BRINP3: variants seen among roughly 807,000 people sequenced by gnomAD.
The protein encoded by BRINP3 is BMP/retinoic acid-inducible neural-specific protein 3.
Under a neutral mutation model 71.0 loss-of-function variants are expected in BRINP3, and 19 were observed. The observed-to-expected ratio is 0.27, with a 90% CI of 0.19 to 0.39. The LOEUF is 0.39. Ranked by LOEUF, BRINP3 falls within the 10% of genes least tolerant of loss-of-function variation. The pLI, the probability that BRINP3 is intolerant of heterozygous loss-of-function variation, is 1.00. For synonymous variants in BRINP3, 380 were observed against 337.7 expected, an observed-to-expected ratio of 1.13 and a Z score of -1.37; for missense variants, 959 against 940.8, an observed-to-expected ratio of 1.02 and a Z score of -0.25.
chr1:190,410,498 T>A (rs1411867520), intron 2 of BRINP3, among the ~76,000 whole-genome samples: 1 of 152,100 alleles, frequency 6.6e-6, no homozygotes, highest in African/African-American at 2.4e-5. Context: ...GTTATAAATT[T>A]GGATGTCATC....
intron 2 of BRINP3, among the ~76,000 whole-genome samples, chr1:190,407,651 G>T (rs1234551614): frequency 6.6e-6 from 1 of 152,038 alleles, no homozygotes; most frequent in Non-Finnish European, 1.5e-5. Flanking sequence ...ATCAGGAAAA[G>T]AAATATATTA....
chr1:190,388,018 A>G (rs1268833827), intron 2 of BRINP3, among the ~76,000 whole-genome samples: 16 of 151,860 alleles, frequency 1.1e-4, no homozygotes, highest in Admixed American at 9.9e-4. Context: ...GTATATGTAC[A>G]TTAATTAATA....
intron 2 of BRINP3, among the ~76,000 whole-genome samples, chr1:190,322,905 C>T (rs1451999225): frequency 2.6e-5 from 4 of 151,908 alleles, no homozygotes; most frequent in Admixed American, 6.6e-5. Flanking sequence ...TTAATTATCT[C>T]GTTTAATTTG....
rs953036938 is a variant in BRINP3 at position 190,382,202 on chromosome 1, T to C, written c.236+72453A>G. On this transcript the variant is annotated intron_variant, in intron 2 of 7. Coordinates refer to ENST00000367462, the MANE Select transcript of BRINP3 (RefSeq NM_199051.3). ...ATCAGAAAAAAAAAATCTAGATGCATGTATCTACTTCCAAAGAGACTTAAG... is the reference window on the plus strand; with the variant it reads ...ATCAGAAAAAAAAAATCTAGATGCACGTATCTACTTCCAAAGAGACTTAAG... Among the ~76,000 whole-genome samples the C allele has an allele frequency of 2.0e-5, 3 of 152,258 alleles. No homozygotes were observed. In the South Asian group the frequency reaches 6.2e-4, roughly 32 times the overall value.
chr1:190,453,197 T>G (rs1675736373), intron 2 of BRINP3, among the ~76,000 whole-genome samples: 1 of 133,744 alleles, frequency 7.5e-6, no homozygotes, highest in Non-Finnish European at 1.6e-5. Flanking sequence ...AAAGAAAAAC[T>G]TTAGTATTTT....
chr1:190,201,602 C>T (rs2104927), intron 6 of BRINP3, among the ~76,000 whole-genome samples: 18,646 of 152,168 alleles, frequency 0.12, 1,686 homozygotes, highest in South Asian at 0.26. Flanking sequence ...GTCCCAGAAA[C>T]CTAGGAGAAA....
intron 6 of BRINP3, among the ~76,000 whole-genome samples, chr1:190,203,698 A>G (rs1375618003): frequency 7.0e-6 from 1 of 142,674 alleles, no homozygotes; most frequent in Non-Finnish European, 1.5e-5. Flanking sequence ...CCTTCTGAGA[A>G]CTTCAAAATA....
At chr1:190,262,028 G>T (rs988568841) in intron 4 of BRINP3, among the ~76,000 whole-genome samples, 3 of 152,038 alleles carry the variant, frequency 2.0e-5, no homozygotes, top group Non-Finnish European at 2.9e-5. Context: ...TAAATGAAGG[G>T]GGACACCTTT....
chr1:190,228,648 GAA>G (rs1400732836), intron 5 of BRINP3, among the ~76,000 whole-genome samples: 1 of 151,886 alleles, frequency 6.6e-6, no homozygotes, highest in African/African-American at 2.4e-5. Context: ...AGAGTTTTGA[GAA>G]AAGAGGTTTA....
chr1:190,339,067 T>C (rs1667482852), intron 2 of BRINP3, among the ~76,000 whole-genome samples: 1 of 151,718 alleles, frequency 6.6e-6, no homozygotes, highest in African/African-American at 2.4e-5. Flanking sequence ...TCTTTTTTCT[T>C]CAGCTTTCAG....
At chr1:190,137,321 CTGAT>C (rs552672784) in intron 7 of BRINP3, among the ~76,000 whole-genome samples, 136 of 151,534 alleles carry the variant, frequency 9.0e-4, no homozygotes, top group African/African-American at 3.1e-3. Context: ...AAGAAATACT[CTGAT>C]TGCCATGTGA....
chr1:190,147,061 A>G lies in BRINP3; in HGVS notation c.1184+13607T>C, dbSNP rs139251538. Among the ~76,000 whole-genome samples the G allele has an allele frequency of 4.2e-3, 637 of 151,812 alleles. 2 individuals carry two copies. The highest frequency in any genetic ancestry group is 0.015 in the African/African-American group (609 of 41,444). On this transcript the variant is annotated intron_variant, in intron 7 of 7. Coordinates refer to ENST00000367462, the MANE Select transcript of BRINP3 (RefSeq NM_199051.3). Reference sequence around the variant, plus strand: ...TCTTTTCTGTTATATTTTCTTAAGGAGTTTTGTTTGCGTATTGGTAGGCTA... The same window carrying G: ...TCTTTTCTGTTATATTTTCTTAAGGGGTTTTGTTTGCGTATTGGTAGGCTA...
intron 2 of BRINP3, among the ~76,000 whole-genome samples, chr1:190,328,295 T>G (rs1380171520): frequency 2.6e-5 from 4 of 151,940 alleles, no homozygotes; most frequent in Non-Finnish European, 5.9e-5. Context: ...ATAAGCAACA[T>G]AAACAGACCA....
chr1:190,118,370 T>C (rs1653327137), intron 7 of BRINP3, among the ~76,000 whole-genome samples: 1 of 152,170 alleles, frequency 6.6e-6, no homozygotes, highest in South Asian at 2.1e-4. Flanking sequence ...ATTGACTTAT[T>C]GACTGGTGCT....
intron 2 of BRINP3, among the ~76,000 whole-genome samples, chr1:190,434,464 A>T (rs1403395732): frequency 6.6e-6 from 1 of 151,672 alleles, no homozygotes; most frequent in Non-Finnish European, 1.5e-5. Context: ...TTTTTTGTTG[A>T]TCTTTTTTAC....
At chr1:190,296,091 C>T (rs540151208) in intron 2 of BRINP3, among the ~76,000 whole-genome samples, 1 of 147,298 alleles carries the variant, frequency 6.8e-6, no homozygotes, top group African/African-American at 2.5e-5. Context: ...GGGGGCTGGG[C>T]TTTTGGTGTT....
intron 7 of BRINP3, among the ~76,000 whole-genome samples, chr1:190,106,265 C>CAT (rs1012904459): frequency 2.1e-4 from 32 of 151,722 alleles, no homozygotes; most frequent in Middle Eastern, 3.4e-3. Context: ...TATACATACA[C>CAT]ATATATATAA....
chr1:190,333,164 G>A (rs916081117), intron 2 of BRINP3, among the ~76,000 whole-genome samples: 2 of 151,826 alleles, frequency 1.3e-5, no homozygotes, highest in East Asian at 3.9e-4. Context: ...AATTGCTAGG[G>A]TAGATTTCTC....
At chr1:190,422,278 G>A (rs2102464977) in intron 2 of BRINP3, among the ~76,000 whole-genome samples, 1 of 151,846 alleles carries the variant, frequency 6.6e-6, no homozygotes, top group Non-Finnish European at 1.5e-5. Flanking sequence ...ACTCTTGCTT[G>A]CCTTAGAATG....
Sources: allele counts gnomAD v4.1 joint callset (sites outside exome capture counted in the v4.1 genomes callset), GRCh38; gene constraint gnomAD v4.1.1; transcripts MANE v1.5; gene names NCBI Gene and HGNC (gene_info 2026-07-23, HGNC 2026-07-21).